Variants in SHANK2 observed in about 807,000 individuals in gnomAD.
SHANK2 encodes the protein SH3 and multiple ankyrin repeat domains protein 2.
In SHANK2, 43 loss-of-function variants were observed where a neutral mutation model predicts 133.7. That is an observed-to-expected ratio of 0.32 (90% CI 0.25 to 0.41). The LOEUF is 0.41. SHANK2 is among the 10% of genes least tolerant of loss of function. SHANK2 has a pLI of 1.00. For missense variants in SHANK2, 1,994 were observed against 2,235.8 expected, an observed-to-expected ratio of 0.89 and a Z score of 2.18; for synonymous variants, 1,017 against 952.8, an observed-to-expected ratio of 1.07 and a Z score of -1.24.
intron 14 of SHANK2, among the ~76,000 whole-genome samples, chr11:70,703,592 C>T (rs565438866): frequency 6.6e-5 from 10 of 152,126 alleles, no homozygotes; most frequent in Non-Finnish European, 1.2e-4. Flanking sequence ...CCAAGGCTCC[C>T]TGGATCTCAC....
intron 2 of SHANK2, among the ~76,000 whole-genome samples, chr11:71,220,938 C>T (rs911983129): frequency 4.6e-5 from 7 of 152,184 alleles, no homozygotes; most frequent in Admixed American, 3.3e-4. Context: ...CGGTGGCTCA[C>T]GCCTATAATC....
At chr11:71,226,284 G>C (rs1565527125) in intron 1 of SHANK2, among the ~76,000 whole-genome samples, 1 of 152,136 alleles carries the variant, frequency 6.6e-6, no homozygotes, top group Non-Finnish European at 1.5e-5. Flanking sequence ...GAGTGAAACA[G>C]ACTGAAAATA....
intron 17 of SHANK2, among the ~76,000 whole-genome samples, chr11:70,599,604 T>TGAAAAAAA (rs2060450426): frequency 2.9e-4 from 1 of 3,472 alleles, no homozygotes; most frequent in Admixed American, 4.3e-3. Flanking sequence ...AGACTCCGTC[T>TGAAAAAAA]CAAAAAAAAA....
chr11:70,650,241 G>T (rs556485891), intron 17 of SHANK2, among the ~76,000 whole-genome samples: 1 of 152,212 alleles, frequency 6.6e-6, no homozygotes, highest in African/African-American at 2.4e-5. Context: ...AACCATGTTG[G>T]CTCCTTGGCC....
chr11:70,897,416 T>C (rs528090366), intron 10 of SHANK2, among the ~76,000 whole-genome samples: 1 of 152,316 alleles, frequency 6.6e-6, no homozygotes, highest in African/African-American at 2.4e-5. Flanking sequence ...TCCAAACAGC[T>C]GGGGGCCTTA....
intron 14 of SHANK2, among the ~76,000 whole-genome samples, chr11:70,727,247 TG>T (rs368998119): frequency 2.2e-4 from 34 of 152,366 alleles, no homozygotes; most frequent in African/African-American, 7.9e-4. Flanking sequence ...AAAAATGCAT[TG>T]CGAATTTTAA....
At chr11:70,855,934 G>A (rs73534035) in intron 11 of SHANK2, among the ~76,000 whole-genome samples, 5,207 of 152,306 alleles carry the variant, frequency 0.034, 263 homozygotes, top group African/African-American at 0.12. Context: ...TGCATGGATA[G>A]AGAGATGGAA....
chr11:70,601,287 T>C (rs1452404786), intron 17 of SHANK2, among the ~76,000 whole-genome samples: 1 of 151,642 alleles, frequency 6.6e-6, no homozygotes, highest in African/African-American at 2.4e-5. Context: ...TGGCACGATC[T>C]CGGCTCACTG....
At chr11:71,161,249 C>G (rs1339577668) in intron 2 of SHANK2, among the ~76,000 whole-genome samples, 1 of 152,184 alleles carries the variant, frequency 6.6e-6, no homozygotes, top group Admixed American at 6.5e-5. Context: ...TCCAACCTGA[C>G]TCTAGTATAG....
rs568599104 is a variant in SHANK2, at chr11:70,551,078, G to A, written c.2062-48147C>T. Among the ~76,000 whole-genome samples, 37 of 151,610 alleles carry A rather than the reference G, an allele frequency of 2.4e-4. No homozygotes were observed. The East Asian group carries it at 5.3e-3, about 22-fold the overall frequency. Reference sequence around the variant, plus strand: ...CAGCGGACCCCCTCCCACCCCCTCCGAGACCTCATCCCTGTACTTTGCTGG... The same window carrying A: ...CAGCGGACCCCCTCCCACCCCCTCCAAGACCTCATCCCTGTACTTTGCTGG... On this transcript the variant is annotated intron_variant, in intron 17 of 25. Coordinates refer to ENST00000601538, the MANE Select transcript of SHANK2 (RefSeq NM_012309.5).
rs79312683 is a variant in SHANK2, at chr11:70,756,363, C to G, written c.1777+42080G>C. Among the ~76,000 whole-genome samples the G allele has an allele frequency of 3.3e-3, 503 of 152,320 alleles. 2 individuals are homozygous for G. The highest frequency in any genetic ancestry group is 6.8e-3 in the Middle Eastern group (2 of 294). On this transcript the variant is annotated intron_variant, in intron 14 of 25. Transcript: ENST00000601538. ...AGGGATAATAAGGGTTCCAGGAGCA[C>G]TCACTGATCCTGGGGGCTGGCCACG... is the stretch of plus-strand genomic sequence containing the variant.
Position 70,496,892 on chromosome 11 carries a change from G to A in SHANK2, c.2308+3678C>T, listed in dbSNP as rs111378855. ...TGGGGGCACCCTACCCATCATCACAGTCGCCACATCAGAGGGTGGGGCTGG... is the reference window on the plus strand; with the variant it reads ...TGGGGGCACCCTACCCATCATCACAATCGCCACATCAGAGGGTGGGGCTGG... On this transcript the variant is annotated intron_variant, in intron 21 of 25. Transcript: ENST00000601538. The A allele has an allele frequency of 5.0e-4, 224 of 451,482 alleles. No individual in the cohort carries two copies. In the Middle Eastern group the frequency reaches 6.6e-3, roughly 13 times the overall value. 28.0% of individuals were successfully genotyped at this position (451,482 alleles called of 1,614,324 possible).
At chr11:70,609,557 C>T (rs782091561) in intron 17 of SHANK2, among the ~76,000 whole-genome samples, 34 of 152,100 alleles carry the variant, frequency 2.2e-4, no homozygotes, top group Non-Finnish European at 3.8e-4. Flanking sequence ...ACAGCCCCAA[C>T]GCACATCCAC....
At chr11:70,742,787 G>A (rs557405025) in intron 14 of SHANK2, among the ~76,000 whole-genome samples, 4 of 152,352 alleles carry the variant, frequency 2.6e-5, no homozygotes, top group Admixed American at 6.5e-5. Flanking sequence ...GGCCTGGAGC[G>A]CAGGCATGGC....
intron 17 of SHANK2, among the ~76,000 whole-genome samples, chr11:70,505,147 C>T (rs1451348081): frequency 2.0e-5 from 3 of 152,056 alleles, no homozygotes; most frequent in Non-Finnish European, 4.4e-5. Context: ...AGGCCTGGAC[C>T]CACCAGGAAA....
intron 9 of SHANK2, among the ~76,000 whole-genome samples, chr11:71,074,344 G>T (rs1252355753): frequency 6.6e-6 from 1 of 152,136 alleles, no homozygotes; most frequent in Admixed American, 6.6e-5. Flanking sequence ...GTGTCTGATG[G>T]GCAGGCACAC....
intron 11 of SHANK2, among the ~76,000 whole-genome samples, chr11:70,857,408 C>T (rs12295110): frequency 2.6e-5 from 4 of 152,230 alleles, no homozygotes; most frequent in African/African-American, 9.6e-5. Context: ...CACAAGCAAC[C>T]TGGAGGCTAA....
intron 15 of SHANK2, among the ~76,000 whole-genome samples, chr11:70,663,702 G>A (rs1555014117): frequency 1.3e-5 from 2 of 152,156 alleles, no homozygotes; most frequent in East Asian, 1.9e-4. Context: ...GAGACAGCCT[G>A]CTAAGTGCAG....
At chr11:70,753,149 T>A (rs1591814285) in intron 14 of SHANK2, among the ~76,000 whole-genome samples, 3 of 130,494 alleles carry the variant, frequency 2.3e-5, no homozygotes, top group Admixed American at 7.8e-5. Flanking sequence ...AAAACAAACA[T>A]GAGGCAGAAA....
Sources: gnomAD v4.1 joint callset for allele counts (sites outside exome capture counted in the v4.1 genomes callset) on GRCh38, gnomAD v4.1.1 for gene constraint, MANE v1.5 for transcripts, NCBI Gene and HGNC (gene_info 2026-07-23, HGNC 2026-07-21) for gene names.